The following COL20A1 variants were observed in gnomAD, a reference collection of about 807,000 sequenced individuals.
The protein encoded by COL20A1 is collagen alpha-1(XX) chain.
A neutral mutation model predicts 152.9 loss-of-function variants in COL20A1; 164 were observed. The ratio of observed to expected loss-of-function variants is 1.07; its 90% CI spans 0.94 to 1.22. The LOEUF is 1.22. Ranked by LOEUF, COL20A1 falls within the 50% of genes most tolerant of loss-of-function variation. The pLI is 0.00. For synonymous variants in COL20A1, 864 were observed against 756.0 expected, an observed-to-expected ratio of 1.14 and a Z score of -2.34; for missense variants, 1,873 against 1,744.8, an observed-to-expected ratio of 1.07 and a Z score of -1.31.
intron 2 of COL20A1, 68 bp downstream of exon 2, chr20:63,295,257 G>A: frequency 9.4e-7 from 1 of 1,060,188 alleles, no homozygotes; most frequent in Non-Finnish European, 1.4e-6. Context: ...GCCCACGCGG[G>A]ACGAGCCCTC....
Position 63,313,325 on chromosome 20 carries a change from A to G in COL20A1, c.2209+76A>G, listed in dbSNP as rs2068041109. The G allele has an allele frequency of 1.7e-5, 25 of 1,486,726 alleles. No individual in the cohort carries two copies. Among genetic ancestry groups the G allele is most frequent in the Admixed American group, 1.1e-4 (6 of 53,336 alleles). 92.1% of individuals were successfully genotyped at this position (1,486,726 alleles called of 1,614,324 possible). ...AGGGGATCCCTGACTCACCCGCTGC[A>G]CAGGCCCAGGACCCTAGACTCCCAG... On this transcript the variant is annotated intron_variant, in intron 17 of 35. Coordinates refer to ENST00000358894, the MANE Select transcript of COL20A1 (RefSeq NM_020882.4). This position sits in a 1 kb window ranked among gnomAD's most constrained non-coding sequence, Gnocchi z 5.9.
At position 63,313,390 on chromosome 20, in the gene COL20A1, T is replaced by C. The variant is rs961783942; in HGVS notation, c.2209+141T>C. 5 of 963,552 alleles carry C rather than the reference T, an allele frequency of 5.2e-6. No individual in the cohort carries two copies. Among genetic ancestry groups the C allele is most frequent in the Non-Finnish European group, 7.5e-6 (5 of 664,188 alleles). The allele number at this position is 963,552 out of a possible 1,614,324, so 59.7% of individuals were successfully genotyped here. ...GAGCCCTGATCACTGGGCCTGGTCGTTGGAGTCTGCAGCACTTCCTTGAGC... is the reference window on the plus strand; with the variant it reads ...GAGCCCTGATCACTGGGCCTGGTCGCTGGAGTCTGCAGCACTTCCTTGAGC... On this transcript the variant is annotated intron_variant, in intron 17 of 35. Transcript: ENST00000358894. This position sits in a 1 kb window ranked among gnomAD's most constrained non-coding sequence, Gnocchi z 5.9.
rs1035515241 is a variant in COL20A1 at position 63,297,104 on chromosome 20, C to T, written c.83-806C>T. Among the ~76,000 whole-genome samples, 15 of 152,326 alleles carry T rather than the reference C, an allele frequency of 9.8e-5. No homozygotes were observed. In the South Asian group the frequency reaches 1.0e-3, roughly 11 times the overall value. On this transcript the variant is annotated intron_variant, in intron 2 of 35. Coordinates refer to ENST00000358894, the MANE Select transcript of COL20A1 (RefSeq NM_020882.4). ...GCACACATGTACCAACGTGCACACA[C>T]GTGCCAATGTGCACACACTTCCAGT...
intron 34 of COL20A1, chr20:63,329,335 T>C (rs2180615): frequency 0.98 from 550,278 of 562,486 alleles, 270,010 homozygotes; most frequent in East Asian, 1. Context: ...TGACAGGCAC[T>C]ATCACAGGGC....
At chr20:63,295,589 C>T (rs1361558153) in intron 2 of COL20A1, among the ~76,000 whole-genome samples, 1 of 152,156 alleles carries the variant, frequency 6.6e-6, no homozygotes, top group Non-Finnish European at 1.5e-5. Context: ...CGGTGCGGCA[C>T]TCGCATTTCC....
In COL20A1 at chr20:63,312,418, A is replaced by G; in HGVS notation, c.1804-2A>G. The G allele has an allele frequency of 6.3e-7, 1 of 1,582,470 alleles. No homozygotes were observed. Among genetic ancestry groups the G allele is most frequent in the Non-Finnish European group, 8.6e-7 (1 of 1,167,736 alleles). ...GCCATGTCGCCCTCCCACCTGCTGC[A>G]GACAGAGGCTCCTGGGAACGCCACC... On this transcript the variant is annotated splice_acceptor_variant, in intron 14 of 35. Coordinates refer to ENST00000358894, the MANE Select transcript of COL20A1 (RefSeq NM_020882.4). LOFTEE classifies it high-confidence loss of function.
At chr20:63,303,888 CTCT>C (rs2067888669) in intron 3 of COL20A1, among the ~76,000 whole-genome samples, 1 of 145,908 alleles carries the variant, frequency 6.9e-6, no homozygotes. Flanking sequence ...TTCCACCCTC[CTCT>C]TCTCCCTGCA....
In COL20A1 at chr20:63,313,632, G is replaced by A; in HGVS notation, c.2210-111G>A. The A allele has an allele frequency of 9.6e-7, 1 of 1,039,358 alleles. No homozygotes were observed. The highest frequency in any genetic ancestry group is 1.7e-5 in the South Asian group (1 of 59,776). 64.4% of individuals were successfully genotyped at this position (1,039,358 alleles called of 1,614,324 possible). A position where few individuals can be genotyped will look rare whatever the true frequency, so the allele number is the denominator to read the frequency against. On this transcript the variant is annotated intron_variant, in intron 17 of 35. Coordinates refer to ENST00000358894, the MANE Select transcript of COL20A1 (RefSeq NM_020882.4). This position sits in a 1 kb window ranked among gnomAD's most constrained non-coding sequence, Gnocchi z 5.9. ...CTGTGGTAGGGGTGTGGCATGATGT[G>A]GTGGAGGCATTACGCAGAGCAGGGT...
intron 27 of COL20A1, among the ~76,000 whole-genome samples, 177 bp downstream of exon 27, chr20:63,322,288 T>C (rs76401164): frequency 6.6e-6 from 1 of 151,678 alleles, no homozygotes; most frequent in African/African-American, 2.4e-5. Flanking sequence ...GTCCAGGGGG[T>C]TTAGGCTGGC....
chr20:63,329,837 G>A (rs796984591), intron 35 of COL20A1, among the ~76,000 whole-genome samples, 176 bp downstream of exon 35: 9 of 152,294 alleles, frequency 5.9e-5, no homozygotes, highest in African/African-American at 1.4e-4. Context: ...TATGGACCCC[G>A]TAGGGGCAAC....
rs1601419842 is a variant in COL20A1, at chr20:63,311,868, T to G, written c.1664-48T>G. The G allele has an allele frequency of 6.6e-7, 1 of 1,507,656 alleles. No individual in the cohort carries two copies. The highest frequency in any genetic ancestry group is 8.9e-7 in the Non-Finnish European group (1 of 1,128,838). 93.4% of individuals were successfully genotyped at this position (1,507,656 alleles called of 1,614,324 possible). A position where few individuals can be genotyped will look rare whatever the true frequency, so the allele number is the denominator to read the frequency against. Reference sequence around the variant, plus strand: ...CCCAGCCACTGCCCACCCTTGCCCCTGCCATGGAGGCCGCGTGCTGGCCTT... The same window carrying G: ...CCCAGCCACTGCCCACCCTTGCCCCGGCCATGGAGGCCGCGTGCTGGCCTT... On this transcript the variant is annotated intron_variant, in intron 13 of 35. Transcript: ENST00000358894. This position sits in a 1 kb window ranked among gnomAD's most constrained non-coding sequence, Gnocchi z 4.4.
At chr20:63,314,225 AC>A (rs768824433) in intron 19 of COL20A1, 24 bp downstream of exon 19, 91 of 1,544,976 alleles carry the variant, frequency 5.9e-5, no homozygotes, top group Non-Finnish European at 7.8e-5. Flanking sequence ...AAGACCCCAG[AC>A]CCAGGTAGAC....
At chr20:63,297,217 A>G (rs1275127424) in intron 2 of COL20A1, among the ~76,000 whole-genome samples, 1 of 152,090 alleles carries the variant, frequency 6.6e-6, no homozygotes, top group African/African-American at 2.4e-5. Flanking sequence ...CTGCATGGCC[A>G]CTTGTCCTGG....
At chr20:63,309,637 C>A in intron 9 of COL20A1, 121 bp from the exon 10 acceptor site, 1 of 1,251,290 alleles carries the variant, frequency 8.0e-7, no homozygotes, top group Non-Finnish European at 1.1e-6. Flanking sequence ...CCCCTTACAT[C>A]TGTCCACAGA....
At chr20:63,295,676 T>C (rs1213659884) in intron 2 of COL20A1, among the ~76,000 whole-genome samples, 1 of 152,174 alleles carries the variant, frequency 6.6e-6, no homozygotes, top group Admixed American at 6.5e-5. Flanking sequence ...GTCTGGCTGC[T>C]ACTGGTTGGG....
At chr20:63,316,459 T>C (rs1319875922) in intron 20 of COL20A1, 94 bp from the exon 21 acceptor site, 5 of 443,670 alleles carry the variant, frequency 1.1e-5, no homozygotes, top group East Asian at 1.2e-4. Flanking sequence ...CTGCAGCCCC[T>C]GGGTCCCTCT....
chr20:63,311,446 C>T lies in COL20A1; in HGVS notation c.1446C>T (p.Thr482=), dbSNP rs1231370944. 7.6e-6 allele frequency: 12 copies of T among 1,574,444 alleles called. No homozygotes were observed. Among genetic ancestry groups the T allele is most frequent in the East Asian group, 4.7e-5 (2 of 42,706 alleles). ...ALTLAAVTPR[T]VHLTWQPSAG... ...CCCTGGCCGCAGTGACGCCCAGAAC[C>T]GTCCACCTCACCTGGCAGCCCTCGG... Residue 482 remains threonine (T), a synonymous_variant, in exon 12 of 36, where the codon ACC becomes ACT. Coordinates refer to ENST00000358894, the MANE Select transcript of COL20A1 (RefSeq NM_020882.4). This position sits in a 1 kb window ranked among gnomAD's most constrained non-coding sequence, Gnocchi z 4.4.
At chr20:63,295,214 T>C in intron 2 of COL20A1, 25 bp downstream of exon 2, 1 of 1,514,932 alleles carries the variant, frequency 6.6e-7, no homozygotes, top group Non-Finnish European at 9.0e-7. Context: ...AGTGGGCCCC[T>C]GCTTGCCCCG....
intron 28 of COL20A1, 84 bp from the exon 29 acceptor site, chr20:63,325,584 G>A (rs1184709561): frequency 5.8e-6 from 9 of 1,548,594 alleles, no homozygotes; most frequent in Admixed American, 5.1e-5. Flanking sequence ...GGGGCACAGG[G>A]GTTGGGGGTG....
Sources: gnomAD v4.1 joint callset for allele counts (sites outside exome capture counted in the v4.1 genomes callset) on GRCh38, gnomAD v4.1.1 for gene constraint, Gnocchi (gnomAD v3.1) non-coding constraint, MANE v1.5 for transcripts, NCBI Gene and HGNC (gene_info 2026-07-23, HGNC 2026-07-21) for gene names.